The following CHL1 variants were observed in gnomAD, a reference collection of about 807,000 sequenced individuals.
CHL1 encodes the protein cell adhesion molecule L1 like.
In CHL1, 96 loss-of-function variants were observed where a neutral mutation model predicts 141.9. The ratio of observed to expected loss-of-function variants is 0.68; its 90% CI spans 0.57 to 0.80. The LOEUF (loss-of-function observed/expected upper bound fraction) is 0.80. Among genes scored for constraint, CHL1 ranks in the 30% least tolerant of loss-of-function variants. CHL1 has a pLI of 0.00. For synonymous variants in CHL1, 613 were observed against 502.2 expected (o/e 1.22, Z -2.95); for missense variants, 1,820 against 1,457.2 (o/e 1.25, Z -4.05).
intron 2 of CHL1, among the ~76,000 whole-genome samples, chr3:295,605 T>G (rs1422192870): frequency 6.6e-6 from 1 of 152,192 alleles, no homozygotes. Context: ...GTCAGAGTTC[T>G]CAAATAAAAA....
At chr3:393,391 A>C (rs971805368) in intron 23 of CHL1, among the ~76,000 whole-genome samples, 4 of 152,092 alleles carry the variant, frequency 2.6e-5, no homozygotes, top group African/African-American at 9.7e-5. Context: ...TGTTTGGTAA[A>C]GATATAACTT....
intron 1 of CHL1, among the ~76,000 whole-genome samples, chr3:229,807 T>C (rs940556170): frequency 6.6e-6 from 1 of 152,190 alleles, no homozygotes; most frequent in African/African-American, 2.4e-5. Flanking sequence ...AACTTAATCT[T>C]TAAATTCTTT....
chr3:270,421 G>A (rs1433661411), intron 2 of CHL1, among the ~76,000 whole-genome samples: 3 of 152,148 alleles, frequency 2.0e-5, no homozygotes, highest in Non-Finnish European at 4.4e-5. Flanking sequence ...GAGGTTGAAA[G>A]GGAGACTACA....
At chr3:286,541 G>A (rs113140243) in intron 2 of CHL1, among the ~76,000 whole-genome samples, 2,112 of 151,350 alleles carry the variant, frequency 0.014, 43 homozygotes, top group Non-Finnish European at 0.015. Flanking sequence ...AACTTAGTAG[G>A]CGTAGGTTGC....
intron 3 of CHL1, among the ~76,000 whole-genome samples, chr3:322,424 C>A (rs1255109409): frequency 6.6e-6 from 1 of 151,556 alleles, no homozygotes; most frequent in African/African-American, 2.4e-5. Context: ...GGGACACATC[C>A]AGATGGTCTG....
chr3:325,942 C>A lies in CHL1; in HGVS notation c.92-17C>A. On this transcript the variant is annotated splice_polypyrimidine_tract_variant and intron_variant, in intron 3 of 27. Coordinates refer to ENST00000256509, the MANE Select transcript of CHL1 (RefSeq NM_006614.4). ...TGTTTGAATAGTGTGTTTTTAAGTA[C>A]ATATTTTAATATTTAGTTCAACAGG... 6.4e-7 allele frequency: 1 copy of A among 1,564,694 alleles called. No individual in the cohort carries two copies. The highest frequency in any genetic ancestry group is 8.8e-7 in the Non-Finnish European group (1 of 1,139,020).
chr3:295,640 T>G (rs1698124890), intron 2 of CHL1, among the ~76,000 whole-genome samples: 1 of 152,212 alleles, frequency 6.6e-6, no homozygotes, highest in East Asian at 1.9e-4. Flanking sequence ...AGCACCACTC[T>G]AAAACAGTGA....
intron 1 of CHL1, among the ~76,000 whole-genome samples, chr3:221,509 A>G (rs1367862976): frequency 6.6e-6 from 1 of 152,216 alleles, no homozygotes; most frequent in Non-Finnish European, 1.5e-5. Context: ...TAGATCTAAG[A>G]GAAATCTCAT....
intron 2 of CHL1, among the ~76,000 whole-genome samples, chr3:280,585 C>T (rs2125291941): frequency 6.6e-6 from 1 of 152,062 alleles, no homozygotes; most frequent in East Asian, 1.9e-4. Context: ...TCAAGCAGGC[C>T]CTGAGAAAGA....
Position 406,596 on chromosome 3 carries a change from G to A in CHL1, c.*885G>A, listed in dbSNP as rs1454465065. 6.6e-6 allele frequency: 1 copy of A among 151,898 alleles called. No individual in the cohort carries two copies. Among genetic ancestry groups the A allele is most frequent in the African/African-American group, 2.4e-5 (1 of 41,352 alleles). The allele number at this position is 151,898 out of a possible 1,614,324, so 9.4% of individuals were successfully genotyped here. On this transcript the variant is annotated 3_prime_UTR_variant, in exon 28 of 28. Coordinates refer to ENST00000256509, the MANE Select transcript of CHL1 (RefSeq NM_006614.4). The stretch of plus-strand genomic sequence containing the variant: ...AATGGTATGCTTGCATATATTTCAT[G>A]AATACATTGTACATATTATGTTAAT...
At chr3:276,619 G>A (rs1230748631) in intron 2 of CHL1, among the ~76,000 whole-genome samples, 2 of 151,746 alleles carry the variant, frequency 1.3e-5, no homozygotes, top group Non-Finnish European at 2.9e-5. Context: ...GCTGGGCACG[G>A]TGGCTCACAC....
At chr3:214,545 G>A (rs1285329769) in intron 1 of CHL1, among the ~76,000 whole-genome samples, 1 of 152,018 alleles carries the variant, frequency 6.6e-6, no homozygotes, top group Non-Finnish European at 1.5e-5. Flanking sequence ...TTAAATAATT[G>A]ACTTGACTTG....
At chr3:284,429 A>C (rs1197377800) in intron 2 of CHL1, among the ~76,000 whole-genome samples, 2 of 152,180 alleles carry the variant, frequency 1.3e-5, no homozygotes, top group Non-Finnish European at 2.9e-5. Context: ...TTTGTGAAAA[A>C]CACCAGATTG....
At chr3:337,340 GC>G (rs1347306460) in intron 5 of CHL1, among the ~76,000 whole-genome samples, 13 of 148,780 alleles carry the variant, frequency 8.7e-5, no homozygotes, top group Admixed American at 1.4e-4. Context: ...ACAGGCGCCC[GC>G]CACCACGCCC....
At chr3:260,596 G>A (rs536340415) in intron 2 of CHL1, among the ~76,000 whole-genome samples, 3 of 152,162 alleles carry the variant, frequency 2.0e-5, no homozygotes, top group African/African-American at 4.8e-5. Context: ...ACAGGCACTT[G>A]CAGACTGCCA....
chr3:327,420 T>C (rs541272561), intron 4 of CHL1, among the ~76,000 whole-genome samples: 96 of 67,680 alleles, frequency 1.4e-3, no homozygotes, highest in African/African-American at 2.8e-3. Flanking sequence ...TTTAACTGTG[T>C]ACATTTTTTT....
intron 1 of CHL1, among the ~76,000 whole-genome samples, chr3:217,254 G>C (rs1407929658): frequency 6.6e-6 from 1 of 152,064 alleles, no homozygotes; most frequent in Non-Finnish European, 1.5e-5. Flanking sequence ...GTCTCTCCAA[G>C]CAAAGGGTAT....
intron 2 of CHL1, among the ~76,000 whole-genome samples, chr3:295,844 G>A (rs1479394851): frequency 6.6e-6 from 1 of 152,176 alleles, no homozygotes; most frequent in Non-Finnish European, 1.5e-5. Flanking sequence ...GAGCAGGGTT[G>A]CTCCGTTGCC....
chr3:259,914 G>A (rs1694543690), intron 2 of CHL1, among the ~76,000 whole-genome samples: 1 of 152,126 alleles, frequency 6.6e-6, no homozygotes, highest in Non-Finnish European at 1.5e-5. Flanking sequence ...TAGCAAGACT[G>A]AAAGTGCACA....
Sources: gnomAD v4.1 joint callset for allele counts (sites outside exome capture counted in the v4.1 genomes callset) on GRCh38, gnomAD v4.1.1 for gene constraint, MANE v1.5 for transcripts, NCBI Gene and HGNC (gene_info 2026-07-23, HGNC 2026-07-21) for gene names.